TIMM44: variants seen among roughly 807,000 people sequenced by gnomAD.
TIMM44 encodes translocase of inner mitochondrial membrane 44, also known as mitochondrial import inner membrane translocase subunit TIM44.
TIMM44 carries 37 observed loss-of-function variants against 63.8 expected under a neutral mutation model. The observed-to-expected ratio is 0.58, with a 90% CI of 0.45 to 0.76. TIMM44 has a LOEUF of 0.76. Ranked by LOEUF, TIMM44 falls within the 30% of genes least tolerant of loss-of-function variation. TIMM44 has a pLI of 0.00. For synonymous variants in TIMM44, 239 were observed against 245.1 expected, an observed-to-expected ratio of 0.98 and a Z score of 0.23; for missense variants, 573 against 603.8, an observed-to-expected ratio of 0.95 and a Z score of 0.54.
chr19:7,928,041 C>T (rs944083338), intron 11 of TIMM44, 36 bp downstream of exon 11: 27 of 1,590,514 alleles, frequency 1.7e-5, no homozygotes, highest in Admixed American at 3.4e-5. Flanking sequence ...TTCCCACCCC[C>T]GATGGTGGCC....
At chr19:7,927,955 G>A in intron 11 of TIMM44, 122 bp downstream of exon 11, 1 of 1,169,658 alleles carries the variant, frequency 8.5e-7, no homozygotes, top group Non-Finnish European at 1.2e-6. Context: ...CCTTGGACAA[G>A]CCCAAGACCT....
intron 10 of TIMM44, among the ~76,000 whole-genome samples, chr19:7,930,419 C>T (rs1983948673): frequency 6.6e-6 from 1 of 150,398 alleles, no homozygotes; most frequent in Non-Finnish European, 1.5e-5. Flanking sequence ...AGCAATTCTA[C>T]TGCCTCAGCC....
chr19:7,934,771 G>A lies in TIMM44; in HGVS notation c.393+294C>T, dbSNP rs185767669. 1.7e-4 allele frequency among the ~76,000 whole-genome samples: 26 copies of A among 152,292 alleles called. No individual in the cohort carries two copies. The highest frequency in any genetic ancestry group is 5.8e-4 in the African/African-American group (24 of 41,558). ...TCTACCCTCGGGAGGGGGTGGAAGCGGCCCCTCTCCTCCTATTTTTAGGCA... is the reference window on the plus strand; with the variant it reads ...TCTACCCTCGGGAGGGGGTGGAAGCAGCCCCTCTCCTCCTATTTTTAGGCA... On this transcript the variant is annotated intron_variant, in intron 4 of 12. Coordinates refer to ENST00000270538, the MANE Select transcript of TIMM44 (RefSeq NM_006351.4). This position sits in a 1 kb window ranked among gnomAD's most constrained non-coding sequence, Gnocchi z 5.3.
intron 1 of TIMM44, among the ~76,000 whole-genome samples, chr19:7,941,551 A>G (rs1475775076): frequency 1.3e-5 from 2 of 151,852 alleles, no homozygotes; most frequent in Non-Finnish European, 2.9e-5. Context: ...CGGTTTTCCA[A>G]AGTGCTGGGA....
At position 7,941,154 on chromosome 19, in the gene TIMM44, A is replaced by C. The variant is rs760381293; in HGVS notation, c.89T>G (p.Leu30Arg). The change falls in exon 2 of 13, where the codon CTA (leucine) becomes CGA (arginine). Residue 30 changes from leucine to arginine, a missense_variant. Physicochemically the swap from Leu to Arg is moderately radical, Grantham distance 102. Coordinates refer to ENST00000270538, the MANE Select transcript of TIMM44 (RefSeq NM_006351.4). The part of the protein sequence containing the change: ...SGIQFLSSHN[L>R]PHGSTYQMRR... The stretch of plus-strand genomic sequence containing the variant: ...CATCTGATAGGTCGACCCATGGGGT[A>C]GGTTGTGGCTGGAAAGAAATTGGAT... 43 of 1,614,036 alleles carry C rather than the reference A, an allele frequency of 2.7e-5. No homozygotes were observed. In the South Asian group the frequency reaches 4.6e-4, roughly 17 times the overall value.
intron 9 of TIMM44, among the ~76,000 whole-genome samples, chr19:7,932,064 C>A (rs1043744679): frequency 7.2e-5 from 11 of 152,220 alleles, no homozygotes; most frequent in African/African-American, 2.7e-4. Context: ...CCTCCTGCAT[C>A]CTGGGGGCTG....
At chr19:7,940,863 G>C (rs1462337055) in intron 2 of TIMM44, among the ~76,000 whole-genome samples, 1 of 151,872 alleles carries the variant, frequency 6.6e-6, no homozygotes, top group Non-Finnish European at 1.5e-5. Context: ...CAACATAAAG[G>C]GCTATTCTGA....
At chr19:7,932,325 G>C (rs1052977706) in intron 9 of TIMM44, 1 of 459,404 alleles carries the variant, frequency 2.2e-6, no homozygotes, top group African/African-American at 2.0e-5. Flanking sequence ...CCAGGCACCT[G>C]AGACAATCCC....
rs927260739 is a variant in TIMM44 at position 7,938,202 on chromosome 19, A to G, written c.142-5T>C. 6.2e-7 allele frequency: 1 copy of G among 1,611,652 alleles called. No individual in the cohort carries two copies. Among genetic ancestry groups the G allele is most frequent in the African/African-American group, 1.3e-5 (1 of 74,838 alleles). On this transcript the variant is annotated splice_polypyrimidine_tract_variant and splice_region_variant and intron_variant, in intron 2 of 12. Transcript: ENST00000270538. ...TCCAGAAGAATATGATTTGGACTAGAAAGAATGTACAAGAAAAAAAATTTA... is the reference window on the plus strand; with the variant it reads ...TCCAGAAGAATATGATTTGGACTAGGAAGAATGTACAAGAAAAAAAATTTA...
Position 7,927,785 on chromosome 19 carries a change from G to C in TIMM44, c.1129-18C>G, listed in dbSNP as rs1439969234. The C allele has an allele frequency of 2.5e-6, 4 of 1,605,346 alleles. No homozygotes were observed. The highest frequency in any genetic ancestry group is 2.7e-5 in the African/African-American group (2 of 75,026). ...ATGGCCAGCTGCAGAGGGGCCGAGA[G>C]GGGGGATGTGCCTCAGAGGACAGCC... On this transcript the variant is annotated intron_variant, in intron 11 of 12. Coordinates refer to ENST00000270538, the MANE Select transcript of TIMM44 (RefSeq NM_006351.4).
rs372177603 is a variant in TIMM44, at chr19:7,927,240, C to G, written c.1306G>C (p.Ala436Pro). The G allele has an allele frequency of 1.2e-6, 2 of 1,612,492 alleles. No homozygotes were observed. Among genetic ancestry groups the G allele is most frequent in the Admixed American group, 1.7e-5 (1 of 60,028 alleles). ...GAGATGTCCAGGAGCCGCCAGGCCG[C>G]GTAGGGGTTGAGCTCGTCCTGGTCT... is the stretch of plus-strand genomic sequence containing the variant. ...CRDQDELNPY[A>P]AWRLLDISAS... The change falls in exon 13 of 13, where the codon GCG becomes CCG. Residue 436 changes from alanine to proline, a missense_variant. Ala to Pro is a conservative substitution (Grantham distance 27, BLOSUM62 -1). Coordinates refer to ENST00000270538, the MANE Select transcript of TIMM44 (RefSeq NM_006351.4).
intron 3 of TIMM44, among the ~76,000 whole-genome samples, chr19:7,937,131 C>CAA (rs1984178479): frequency 6.6e-6 from 1 of 150,890 alleles, no homozygotes; most frequent in African/African-American, 2.4e-5. Flanking sequence ...AACAACAAAT[C>CAA]AGCTGGGTGT....
rs2145170430 is a variant in TIMM44, at chr19:7,927,915, G to A, written c.1129-148C>T. 6.4e-6 allele frequency: 7 copies of A among 1,092,968 alleles called. No individual in the cohort carries two copies. In the East Asian group the frequency reaches 1.8e-4, roughly 28 times the overall value. 67.7% of individuals were successfully genotyped at this position (1,092,968 alleles called of 1,614,324 possible). Reference sequence around the variant, plus strand: ...CCTCCCCGTGGGCCTTGCCTCTCAGGCCAGGACCAGGCCTCCCTCGAGACC... The same window carrying A: ...CCTCCCCGTGGGCCTTGCCTCTCAGACCAGGACCAGGCCTCCCTCGAGACC... On this transcript the variant is annotated intron_variant, in intron 11 of 12. Coordinates refer to ENST00000270538, the MANE Select transcript of TIMM44 (RefSeq NM_006351.4).
chr19:7,928,332 C>G, intron 10 of TIMM44, 166 bp from the exon 11 acceptor site: 1 of 620,390 alleles, frequency 1.6e-6, no homozygotes, highest in South Asian at 1.9e-5. Flanking sequence ...CACCCACTTA[C>G]TGGCCCAGAT....
chr19:7,939,868 C>T (rs1984257116), intron 2 of TIMM44, among the ~76,000 whole-genome samples: 1 of 151,514 alleles, frequency 6.6e-6, no homozygotes, highest in Admixed American at 6.6e-5. Flanking sequence ...AGCGGTATCT[C>T]GCCCCTGCAC....
intron 10 of TIMM44, 97 bp downstream of exon 10, chr19:7,931,041 T>C (rs890312531): frequency 5.1e-6 from 6 of 1,165,760 alleles, no homozygotes; most frequent in African/African-American, 1.6e-5. Flanking sequence ...GTCCTGCCTG[T>C]TGGGAGCTAC....
At chr19:7,932,594 G>A (rs1056119900) in intron 9 of TIMM44, 33 bp downstream of exon 9, 11 of 1,609,996 alleles carry the variant, frequency 6.8e-6, no homozygotes, top group East Asian at 2.2e-5. Flanking sequence ...AGGACCTGCC[G>A]CCTGGGAGGG....
In TIMM44 at chr19:7,932,662, G is replaced by GT. The variant is rs755830831; in HGVS notation, c.951dup (p.Gln318ThrfsTer20). On this transcript the variant is annotated frameshift_variant, in exon 9 of 13. Transcript: ENST00000270538. LOFTEE classifies it high-confidence loss of function. The stretch of plus-strand genomic sequence containing the variant: ...TTGGGGATGATGTCGTTCTCGCACT[G>GT]TTTCAGAAACCGGTCCTTGTCAAAG... 1 of 1,614,102 alleles carries GT rather than the reference G, an allele frequency of 6.2e-7. No homozygotes were observed. The highest frequency in any genetic ancestry group is 2.2e-5 in the East Asian group (1 of 44,868).
chr19:7,935,926 G>A (rs768486924), intron 3 of TIMM44, among the ~76,000 whole-genome samples: 1 of 152,218 alleles, frequency 6.6e-6, no homozygotes, highest in African/African-American at 2.4e-5. Flanking sequence ...AGCTGAGATG[G>A]GAGGATCGCT....
Sources: gnomAD v4.1 joint callset for allele counts (sites outside exome capture counted in the v4.1 genomes callset) on GRCh38, gnomAD v4.1.1 for gene constraint, Gnocchi (gnomAD v3.1) non-coding constraint, MANE v1.5 for transcripts, NCBI Gene and HGNC (gene_info 2026-07-23, HGNC 2026-07-21) for gene names.